Variants in PDE3A observed in about 807,000 individuals in gnomAD.
PDE3A encodes the protein cGMP-inhibited 3',5'-cyclic phosphodiesterase 3A.
In PDE3A, 43 loss-of-function variants were observed where a neutral mutation model predicts 98.3. That is an observed-to-expected ratio of 0.44 (90% CI 0.34 to 0.56). The LOEUF (loss-of-function observed/expected upper bound fraction) is 0.56. PDE3A is among the 20% of genes least tolerant of loss of function. The pLI is 0.01. For synonymous variants in PDE3A, 663 were observed against 567.9 expected (o/e 1.17, Z -2.38); for missense variants, 1,427 against 1,440.7 (o/e 0.99, Z 0.15).
At chr12:20,547,895 G>A (rs4762970) in intron 1 of PDE3A, among the ~76,000 whole-genome samples, 71,788 of 151,856 alleles carry the variant, frequency 0.47, 18,507 homozygotes, top group South Asian at 0.59. Context: ...AAATATCTCT[G>A]CTTGGATAGA....
chr12:20,370,028 G>T lies in PDE3A; in HGVS notation c.744G>T (p.Gly248=). The T allele has an allele frequency of 1.2e-6, 2 of 1,613,044 alleles. No individual in the cohort carries two copies. ...PYLAYLAGVL[G]ILLARYVEQI... is the part of the protein sequence containing the mutation. ...TGGCGTACCTGGCCGGCGTGCTGGG[G>T]ATCCTCTTGGCCAGGTACGTGGAAC... The change falls in exon 1 of 16, where the codon GGG becomes GGT. Residue 248 remains glycine (G), a synonymous_variant. Transcript: ENST00000359062.
At position 20,455,763 on chromosome 12, in the gene PDE3A, G is replaced by A. The variant is rs556616792; in HGVS notation, c.960+85519G>A. 1.8e-4 allele frequency among the ~76,000 whole-genome samples: 28 copies of A among 152,186 alleles called. No individual in the cohort carries two copies. The East Asian group carries it at 5.4e-3, about 30-fold the overall frequency. On this transcript the variant is annotated intron_variant, in intron 1 of 15. Transcript: ENST00000359062. The stretch of plus-strand genomic sequence containing the variant: ...TTTCTCTCCTTTTCTTTTGTAGCAT[G>A]ATGTTTTTGAGTATTCAAAAACATT...
intron 2 of PDE3A, among the ~76,000 whole-genome samples, chr12:20,603,071 G>A (rs940463346): frequency 1.3e-5 from 2 of 152,190 alleles, no homozygotes; most frequent in Non-Finnish European, 2.9e-5. Flanking sequence ...GGAGTGGCAC[G>A]TAGTGCTACA....
rs139606200 is a variant in PDE3A, at chr12:20,521,812, A to G, written c.961-34848A>G. On this transcript the variant is annotated intron_variant, in intron 1 of 15. Transcript: ENST00000359062. ...GGAGTTTCATTAGGAGCTTACATAC[A>G]GTGGAGAGAGTCAGTGGCAGTGGGC... Among the ~76,000 whole-genome samples, 1,021 of 152,250 alleles carry G rather than the reference A, an allele frequency of 6.7e-3. 12 individuals are homozygous for G. The highest frequency in any genetic ancestry group is 0.023 in the African/African-American group (940 of 41,550).
At chr12:20,643,315 T>C (rs542453183) in intron 10 of PDE3A, among the ~76,000 whole-genome samples, 18 of 151,510 alleles carry the variant, frequency 1.2e-4, no homozygotes, top group African/African-American at 4.1e-4. Flanking sequence ...TCTTTGAGCA[T>C]TTTTATGTAT....
chr12:20,438,080 TG>T (rs1274375184), intron 1 of PDE3A, among the ~76,000 whole-genome samples: 1 of 152,118 alleles, frequency 6.6e-6, no homozygotes, highest in Non-Finnish European at 1.5e-5. Flanking sequence ...AGACTTTTCT[TG>T]GGGGTCTCCG....
intron 1 of PDE3A, among the ~76,000 whole-genome samples, chr12:20,482,242 GT>G (rs1945643969): frequency 8.2e-6 from 1 of 122,660 alleles, no homozygotes; most frequent in Non-Finnish European, 1.8e-5. Context: ...TTTTTTTTCT[GT>G]AAAAAAAAAA....
In PDE3A at chr12:20,647,720, G is replaced by C. The variant is rs541305087; in HGVS notation, c.2565+770G>C. ...TTCATTTCCACAGCTCATCTTATAG[G>C]CTATTCTATAGTTTTTCTTGAATCT... is the stretch of plus-strand genomic sequence containing the variant. On this transcript the variant is annotated intron_variant, in intron 12 of 15. Coordinates refer to ENST00000359062, the MANE Select transcript of PDE3A (RefSeq NM_000921.5). Among the ~76,000 whole-genome samples, 12 of 151,770 alleles carry C rather than the reference G, an allele frequency of 7.9e-5. No homozygotes were observed. In the South Asian group the frequency reaches 2.5e-3, roughly 32 times the overall value.
At chr12:20,370,462 T>C (rs909924246) in intron 1 of PDE3A, among the ~76,000 whole-genome samples, 1 of 150,820 alleles carries the variant, frequency 6.6e-6, no homozygotes, top group African/African-American at 2.4e-5. Flanking sequence ...TTTTATAACC[T>C]GAACGACTGA....
chr12:20,679,687 G>C (rs902658587), intron 15 of PDE3A, among the ~76,000 whole-genome samples: 10 of 151,968 alleles, frequency 6.6e-5, no homozygotes, highest in Non-Finnish European at 1.5e-4. Flanking sequence ...GATCTATGTG[G>C]AAAGTCTTGA....
chr12:20,499,375 C>T (rs1363594934), intron 1 of PDE3A, among the ~76,000 whole-genome samples: 1 of 152,086 alleles, frequency 6.6e-6, no homozygotes, highest in African/African-American at 2.4e-5. Context: ...AATAGAGAGA[C>T]TTTCATAAGG....
intron 2 of PDE3A, among the ~76,000 whole-genome samples, chr12:20,571,598 T>C (rs1205199413): frequency 6.6e-6 from 1 of 152,204 alleles, no homozygotes; most frequent in African/African-American, 2.4e-5. Flanking sequence ...CTAGCTTTTC[T>C]ACCAGTATCT....
At chr12:20,386,259 TAATA>T (rs1346449500) in intron 1 of PDE3A, among the ~76,000 whole-genome samples, 2 of 131,176 alleles carry the variant, frequency 1.5e-5, no homozygotes, top group African/African-American at 5.8e-5. Context: ...TTAATTATAT[TAATA>T]TATTATATTA....
At chr12:20,370,973 C>G (rs182635604) in intron 1 of PDE3A, among the ~76,000 whole-genome samples, 117 of 152,190 alleles carry the variant, frequency 7.7e-4, no homozygotes, top group Admixed American at 2.3e-3. Flanking sequence ...TTAGTGTCAA[C>G]TAAAAACAAA....
intron 1 of PDE3A, among the ~76,000 whole-genome samples, chr12:20,419,506 A>G (rs1470942412): frequency 2.6e-5 from 4 of 151,710 alleles, no homozygotes; most frequent in African/African-American, 9.7e-5. Flanking sequence ...CAGGGTCTCT[A>G]AAAGACGCTG....
intron 2 of PDE3A, among the ~76,000 whole-genome samples, chr12:20,572,811 G>C (rs769627228): frequency 2.6e-5 from 4 of 151,976 alleles, no homozygotes; most frequent in Non-Finnish European, 5.9e-5. Flanking sequence ...TCACTGCCAC[G>C]GTCCTTCCAA....
At chr12:20,516,375 A>G (rs1479973328) in intron 1 of PDE3A, among the ~76,000 whole-genome samples, 1 of 152,206 alleles carries the variant, frequency 6.6e-6, no homozygotes, top group Non-Finnish European at 1.5e-5. Flanking sequence ...GTAAAAGAAA[A>G]ATAGATTTGC....
rs1946005912 is a variant in PDE3A, at chr12:20,687,627, C to T, written c.*7356C>T. Among the ~76,000 whole-genome samples the T allele has an allele frequency of 1.3e-5, 2 of 151,634 alleles. No individual in the cohort carries two copies. The highest frequency in any genetic ancestry group is 1.3e-4 in the Admixed American group (2 of 15,202). On this transcript the variant is annotated 3_prime_UTR_variant, in exon 16 of 16. Transcript: ENST00000359062. ...GCACTGGTAATAAATATCACTGAAC[C>T]CACCCACCCCCTGATATTTCTTCCT... is the stretch of plus-strand genomic sequence containing the variant.
intron 2 of PDE3A, among the ~76,000 whole-genome samples, chr12:20,560,791 G>A (rs997145810): frequency 6.6e-6 from 1 of 152,056 alleles, no homozygotes; most frequent in Non-Finnish European, 1.5e-5. Flanking sequence ...TTCAGGGAAG[G>A]GAATGTGCTT....
Sources: gnomAD v4.1 joint callset for allele counts (sites outside exome capture counted in the v4.1 genomes callset) on GRCh38, gnomAD v4.1.1 for gene constraint, MANE v1.5 for transcripts, NCBI Gene and HGNC (gene_info 2026-07-23, HGNC 2026-07-21) for gene names.